LRCH2: variants seen among roughly 807,000 people sequenced by gnomAD.
LRCH2 encodes the protein leucine-rich repeat and calponin homology domain-containing protein 2.
In LRCH2, 38 loss-of-function variants were observed where a neutral mutation model predicts 68.9. The observed-to-expected ratio is 0.55, with a 90% CI of 0.43 to 0.72. The LOEUF (loss-of-function observed/expected upper bound fraction) is 0.72. Among genes scored for constraint, LRCH2 ranks in the 30% least tolerant of loss-of-function variants. LRCH2 has a pLI of 0.00. For synonymous variants in LRCH2, 191 were observed against 208.1 expected (o/e 0.92, Z 0.71); for missense variants, 528 against 572.9 (o/e 0.92, Z 0.80).
chrX:115,165,983 G>A, intron 7 of LRCH2, 31 bp from the exon 8 acceptor site: 3 of 1,011,063 alleles, frequency 3.0e-6, no homozygotes, highest in South Asian at 2.1e-5. Flanking sequence ...GTACAAATGA[G>A]GCATTTTAAA....
At chrX:115,182,228 A>T in intron 3 of LRCH2, among the ~76,000 whole-genome samples, 1 of 111,925 alleles carries the variant, frequency 8.9e-6, no homozygotes, top group Non-Finnish European at 1.9e-5. Context: ...AAATTACATC[A>T]TGTAATGTAA....
intron 14 of LRCH2, among the ~76,000 whole-genome samples, chrX:115,136,817 G>C (rs781804023): frequency 2.2e-3 from 251 of 112,396 alleles, no homozygotes; most frequent in Non-Finnish European, 4.1e-3. Flanking sequence ...TGGGAAGCCA[G>C]TAAGAAGTTT....
At chrX:115,228,197 C>T (rs1165381470) in intron 1 of LRCH2, among the ~76,000 whole-genome samples, 1 of 111,598 alleles carries the variant, frequency 9.0e-6, no homozygotes, top group Non-Finnish European at 1.9e-5. Flanking sequence ...TTGGCTTATA[C>T]AGTTTTCTTT....
chrX:115,148,445 G>A (rs1280166985), intron 14 of LRCH2, among the ~76,000 whole-genome samples: 1 of 111,567 alleles, frequency 9.0e-6, no homozygotes, highest in Non-Finnish European at 1.9e-5. Flanking sequence ...GTTATACTAC[G>A]ATATTGGTAG....
chrX:115,144,086 T>C (rs1286252774), intron 14 of LRCH2, among the ~76,000 whole-genome samples: 4 of 111,282 alleles, frequency 3.6e-5, no homozygotes, highest in African/African-American at 6.5e-5. Flanking sequence ...GTTCTCATGA[T>C]AGTGAATAAG....
chrX:115,138,020 A>G (rs1433665122), intron 14 of LRCH2, among the ~76,000 whole-genome samples: 5 of 111,496 alleles, frequency 4.5e-5, no homozygotes, highest in African/African-American at 1.6e-4. Context: ...AAGGGCAGTC[A>G]GGGATAATGG....
At chrX:115,119,926 T>G (rs1390414473) in intron 20 of LRCH2, among the ~76,000 whole-genome samples, 1 of 111,358 alleles carries the variant, frequency 9.0e-6, no homozygotes, top group African/African-American at 3.3e-5. Flanking sequence ...GGGAAAGGAT[T>G]CCCTATTTAA....
intron 1 of LRCH2, among the ~76,000 whole-genome samples, chrX:115,210,692 G>A (rs1556569732): frequency 1.8e-5 from 2 of 111,072 alleles, no homozygotes; most frequent in Admixed American, 9.5e-5. Flanking sequence ...CTTGCACCAT[G>A]CACCTGGAAA....
chrX:115,176,751 CT>C (rs782070547), intron 5 of LRCH2, among the ~76,000 whole-genome samples: 141 of 97,176 alleles, frequency 1.5e-3, no homozygotes, highest in African/African-American at 2.8e-3. Context: ...CTTTTTTTTT[CT>C]TTTTTTTTTT....
intron 5 of LRCH2, among the ~76,000 whole-genome samples, chrX:115,171,071 T>C (rs1414809564): frequency 1.8e-5 from 2 of 111,311 alleles, no homozygotes; most frequent in Admixed American, 1.9e-4. Context: ...ATAAAAACAA[T>C]AGAAAATGAG....
intron 12 of LRCH2, among the ~76,000 whole-genome samples, chrX:115,154,614 A>G (rs903520316): frequency 8.9e-6 from 1 of 111,850 alleles, no homozygotes; most frequent in Non-Finnish European, 1.9e-5. Context: ...TTGAAATAAT[A>G]CTCATCATCA....
At chrX:115,148,245 C>A (rs2072403717) in intron 14 of LRCH2, among the ~76,000 whole-genome samples, 1 of 111,761 alleles carries the variant, frequency 8.9e-6, no homozygotes, top group Admixed American at 9.5e-5. Context: ...CATCTCTGTG[C>A]CTTAATTTCA....
intron 1 of LRCH2, among the ~76,000 whole-genome samples, chrX:115,211,687 A>G (rs1331320474): frequency 1.8e-5 from 2 of 111,651 alleles, no homozygotes; most frequent in African/African-American, 6.5e-5. Flanking sequence ...CTTCTGTCCC[A>G]CATCTCAAAT....
chrX:115,110,945 T>C lies in LRCH2; in HGVS notation c.*2271A>G, dbSNP rs1474028230. 1 of 112,045 alleles carries C rather than the reference T, an allele frequency of 8.9e-6. No individual in the cohort carries two copies. The allele number at this position is 112,045 out of a possible 1,213,427, so 9.2% of individuals were successfully genotyped here. A position where few individuals can be genotyped will look rare whatever the true frequency, so the allele number is the denominator to read the frequency against. ...AATAAAATATTTTTGATTATTCAAC[T>C]GTCATTAAATCACAAATCCCACTCA... is the stretch of plus-strand genomic sequence containing the variant. On this transcript the variant is annotated 3_prime_UTR_variant, in exon 21 of 21. Transcript: ENST00000317135.
At chrX:115,229,864 G>A (rs2073141919) in intron 1 of LRCH2, among the ~76,000 whole-genome samples, 1 of 111,721 alleles carries the variant, frequency 9.0e-6, no homozygotes, top group African/African-American at 3.3e-5. Flanking sequence ...GCACATGTAG[G>A]AAATACTAGA....
intron 5 of LRCH2, among the ~76,000 whole-genome samples, chrX:115,177,457 T>C (rs1281525270): frequency 9.0e-6 from 1 of 111,119 alleles, no homozygotes; most frequent in Non-Finnish European, 1.9e-5. Flanking sequence ...TAAGACAGGT[T>C]GCAAGCATTC....
intron 1 of LRCH2, among the ~76,000 whole-genome samples, chrX:115,214,236 G>A (rs1169077699): frequency 1.7e-4 from 19 of 112,151 alleles, no homozygotes; most frequent in African/African-American, 6.1e-4. Context: ...TAAAAGAACT[G>A]TTAAGACTAG....
chrX:115,179,387 TA>T, intron 5 of LRCH2, 39 bp downstream of exon 5: 1 of 1,014,623 alleles, frequency 9.9e-7, no homozygotes. Flanking sequence ...AAATTATGAA[TA>T]AAAATGAGAA....
chrX:115,197,755 T>TTCTCTC (rs782244834), intron 1 of LRCH2, among the ~76,000 whole-genome samples: 2 of 61,949 alleles, frequency 3.2e-5, no homozygotes, highest in African/African-American at 1.2e-4. Flanking sequence ...CTCTCTCTCT[T>TTCTCTC]TCTCTCTCTC....
Sources: gnomAD v4.1 joint callset for allele counts (sites outside exome capture counted in the v4.1 genomes callset) on GRCh38, gnomAD v4.1.1 for gene constraint, MANE v1.5 for transcripts, NCBI Gene and HGNC (gene_info 2026-07-23, HGNC 2026-07-21) for gene names.